Variants in DLGAP2 observed in about 807,000 individuals in gnomAD.
DLGAP2 encodes the protein disks large-associated protein 2.
Under a neutral mutation model 100.3 loss-of-function variants are expected in DLGAP2, and 26 were observed. That is an observed-to-expected ratio of 0.26 (90% CI 0.19 to 0.36). The LOEUF (loss-of-function observed/expected upper bound fraction) is 0.36. Among genes scored for constraint, DLGAP2 ranks in the 10% least tolerant of loss-of-function variants. The pLI, the probability that DLGAP2 is intolerant of heterozygous loss-of-function variation, is 1.00. For missense variants in DLGAP2, 1,858 were observed against 1,453.2 expected, an observed-to-expected ratio of 1.28 and a Z score of -4.53; for synonymous variants, 886 against 630.1, an observed-to-expected ratio of 1.41 and a Z score of -6.08.
intron 2 of DLGAP2, among the ~76,000 whole-genome samples, chr8:1,183,571 C>T (rs534100411): frequency 6.6e-6 from 1 of 152,300 alleles, no homozygotes; most frequent in African/African-American, 2.4e-5. Flanking sequence ...GTATCCTCAC[C>T]ATGTTGCACA....
At chr8:1,524,338 A>G (rs939664452) in intron 4 of DLGAP2, among the ~76,000 whole-genome samples, 4 of 152,044 alleles carry the variant, frequency 2.6e-5, no homozygotes, top group Non-Finnish European at 5.9e-5. Flanking sequence ...GACTGGGAGG[A>G]AGGAGCCTGG....
intron 5 of DLGAP2, among the ~76,000 whole-genome samples, chr8:1,550,726 G>A (rs1801737559): frequency 6.6e-6 from 1 of 152,212 alleles, no homozygotes; most frequent in Non-Finnish European, 1.5e-5. Flanking sequence ...CCTGTTTTAT[G>A]TGATTTCACT....
At chr8:1,328,413 G>T (rs951831573) in intron 3 of DLGAP2, among the ~76,000 whole-genome samples, 1 of 152,076 alleles carries the variant, frequency 6.6e-6, no homozygotes, top group African/African-American at 2.4e-5. Context: ...CTGCCTCCTG[G>T]GTTCAGGCTA....
At chr8:1,506,618 G>C (rs148904849) in intron 4 of DLGAP2, among the ~76,000 whole-genome samples, 1 of 152,208 alleles carries the variant, frequency 6.6e-6, no homozygotes, top group Non-Finnish European at 1.5e-5. Context: ...GGTTGCCAGT[G>C]CCGGCTCAGG....
Position 1,450,441 on chromosome 8 carries a change from G to C in DLGAP2, c.107-50925G>C, listed in dbSNP as rs1371033275. 2.4e-4 allele frequency among the ~76,000 whole-genome samples: 33 copies of C among 136,544 alleles called. 2 individuals are homozygous for C. The highest frequency in any genetic ancestry group is 2.4e-3 in the Admixed American group (33 of 13,806). 89.6% of individuals were successfully genotyped at this position (136,544 alleles called of 152,430 possible). On this transcript the variant is annotated intron_variant, in intron 3 of 14. Transcript: ENST00000637795. ...AGCTGTGAGGGTGAAGACGAGGTGG[G>C]CGGCCTCGGTGGCTGTGGCTGAGGC...
At chr8:1,172,316 A>G (rs55688734) in intron 2 of DLGAP2, among the ~76,000 whole-genome samples, 31,982 of 151,754 alleles carry the variant, frequency 0.21, 4,086 homozygotes, top group Non-Finnish European at 0.29. Flanking sequence ...TCTCCTTAAC[A>G]TTTTTTCCTT....
chr8:1,576,362 A>G (rs914465545), intron 6 of DLGAP2, among the ~76,000 whole-genome samples: 3 of 152,046 alleles, frequency 2.0e-5, no homozygotes, highest in African/African-American at 7.3e-5. Context: ...TAGATTCTGG[A>G]TATTAGCCCT....
At chr8:1,688,856 A>G (rs944847988) in intron 12 of DLGAP2, among the ~76,000 whole-genome samples, 1 of 152,244 alleles carries the variant, frequency 6.6e-6, no homozygotes, top group African/African-American at 2.4e-5. Context: ...ACGGCGTGCC[A>G]TAAGCCCTTT....
rs551577516 is a variant in DLGAP2 at position 1,632,988 on chromosome 8, C to T, written c.1752C>T (p.Asp584=). 1.1e-4 allele frequency: 183 copies of T among 1,613,962 alleles called. No individual in the cohort carries two copies. The highest frequency in any genetic ancestry group is 1.4e-4 in the Non-Finnish European group (166 of 1,179,894). The part of the protein sequence containing the change: ...RAIQAGYSQD[D]ECIPMMTPSD... ...TTCAAGCCGGCTACTCCCAAGATGA[C>T]GAATGTATTCCCATGATGACACCCT... Residue 584 remains aspartate, a synonymous_variant, in exon 8 of 15, where the codon GAC becomes GAT. Transcript: ENST00000637795.
At chr8:785,335 A>T (rs942404238) in intron 1 of DLGAP2, among the ~76,000 whole-genome samples, 1 of 151,514 alleles carries the variant, frequency 6.6e-6, no homozygotes, top group Non-Finnish European at 1.5e-5. Flanking sequence ...GCTCAGGCTG[A>T]AAGCGGAGCT....
intron 4 of DLGAP2, among the ~76,000 whole-genome samples, chr8:1,534,265 C>T (rs1466156420): frequency 6.6e-6 from 1 of 152,160 alleles, no homozygotes; most frequent in Non-Finnish European, 1.5e-5. Flanking sequence ...GTGTGTGTCA[C>T]AAGGCAAATT....
chr8:1,651,561 C>A (rs192566223), intron 8 of DLGAP2, among the ~76,000 whole-genome samples: 1 of 152,166 alleles, frequency 6.6e-6, no homozygotes, highest in East Asian at 1.9e-4. Flanking sequence ...GCGGCTGGGG[C>A]GTCCATCCCT....
chr8:1,201,824 G>A (rs1292232473), intron 2 of DLGAP2, among the ~76,000 whole-genome samples: 1 of 152,204 alleles, frequency 6.6e-6, no homozygotes, highest in East Asian at 1.9e-4. Flanking sequence ...GTGCGGTGTA[G>A]GTGCTTGTGT....
intron 2 of DLGAP2, among the ~76,000 whole-genome samples, chr8:1,094,562 A>G (rs1213481893): frequency 6.6e-5 from 10 of 152,250 alleles, no homozygotes; most frequent in Admixed American, 6.5e-4. Context: ...CACACCTTCC[A>G]ACATGTCTTG....
chr8:1,430,493 G>T (rs905675469), intron 3 of DLGAP2, among the ~76,000 whole-genome samples: 2 of 152,192 alleles, frequency 1.3e-5, no homozygotes, highest in African/African-American at 4.8e-5. Context: ...AGCCTGGAAA[G>T]ACTGATGTTT....
intron 7 of DLGAP2, among the ~76,000 whole-genome samples, chr8:1,629,085 G>T (rs761429300): frequency 1.3e-5 from 2 of 152,208 alleles, no homozygotes; most frequent in Non-Finnish European, 2.9e-5. Flanking sequence ...TTGGTAGCTT[G>T]CCTGGGGCTC....
chr8:1,157,624 C>T (rs1414833932), intron 2 of DLGAP2, among the ~76,000 whole-genome samples: 1 of 152,150 alleles, frequency 6.6e-6, no homozygotes, highest in Non-Finnish European at 1.5e-5. Context: ...GCTGTTCTCA[C>T]CTGTGTGTCC....
intron 2 of DLGAP2, among the ~76,000 whole-genome samples, chr8:1,220,826 G>A (rs779033473): frequency 6.6e-6 from 1 of 152,094 alleles, no homozygotes; most frequent in Non-Finnish European, 1.5e-5. Context: ...AAGCCTTCTT[G>A]TTGAATTGAA....
At chr8:1,523,513 C>T (rs538805720) in intron 4 of DLGAP2, among the ~76,000 whole-genome samples, 5 of 152,224 alleles carry the variant, frequency 3.3e-5, no homozygotes, top group African/African-American at 1.2e-4. Context: ...GTGCCTTAGA[C>T]GGGGGGGAAG....
Sources: gnomAD v4.1 joint callset for allele counts (sites outside exome capture counted in the v4.1 genomes callset) on GRCh38, gnomAD v4.1.1 for gene constraint, MANE v1.5 for transcripts, NCBI Gene and HGNC (gene_info 2026-07-23, HGNC 2026-07-21) for gene names.